PIGF: variants seen among roughly 807,000 people sequenced by gnomAD.
PIGF encodes the protein phosphatidylinositol glycan anchor biosynthesis class F.
PIGF carries 23 observed loss-of-function variants against 26.0 expected under a neutral mutation model. The observed-to-expected ratio is 0.88, with a 90% CI of 0.64 to 1.25. The LOEUF is 1.25. Among genes scored for constraint, PIGF ranks in the 50% most tolerant of loss-of-function variants. The probability of loss-of-function intolerance (pLI) is 0.00; values close to 1 mark genes in which losing one functional copy is unlikely to be tolerated. For synonymous variants in PIGF, 93 were observed against 92.6 expected (o/e 1.00, Z -0.03); for missense variants, 278 against 249.9 (o/e 1.11, Z -0.76).
At chr2:46,585,484 CTG>C (rs1443466718) in intron 5 of PIGF, among the ~76,000 whole-genome samples, 1 of 152,170 alleles carries the variant, frequency 6.6e-6, no homozygotes, top group African/African-American at 2.4e-5. Context: ...ATTTTAACAT[CTG>C]AGCCTCAGTT....
intron 4 of PIGF, among the ~76,000 whole-genome samples, chr2:46,597,687 T>C (rs1422793300): frequency 6.6e-6 from 1 of 152,126 alleles, no homozygotes; most frequent in African/African-American, 2.4e-5. Context: ...GCTGGGATTA[T>C]AGGCGTGAGC....
intron 4 of PIGF, among the ~76,000 whole-genome samples, chr2:46,593,577 G>C (rs1462718545): frequency 1.3e-5 from 2 of 152,206 alleles, no homozygotes; most frequent in African/African-American, 4.8e-5. Flanking sequence ...ACATCTGAGA[G>C]TGTAAAGGTG....
intron 4 of PIGF, among the ~76,000 whole-genome samples, chr2:46,601,805 A>G (rs1047266297): frequency 1.3e-5 from 2 of 152,132 alleles, no homozygotes; most frequent in African/African-American, 2.4e-5. Context: ...CTTTGTCTAC[A>G]CAAATAGGTC....
chr2:46,609,558 C>T (rs1248527537), intron 4 of PIGF, among the ~76,000 whole-genome samples: 1 of 152,188 alleles, frequency 6.6e-6, no homozygotes, highest in Non-Finnish European at 1.5e-5. Context: ...TTTCATTAAG[C>T]TTAATCACTT....
intron 4 of PIGF, among the ~76,000 whole-genome samples, chr2:46,604,013 A>G (rs1221762867): frequency 6.6e-6 from 1 of 151,878 alleles, no homozygotes; most frequent in South Asian, 2.1e-4. Context: ...CTCTACAGGG[A>G]AAAAAAACCC....
At chr2:46,610,870 T>C (rs1340655913) in intron 4 of PIGF, among the ~76,000 whole-genome samples, 3 of 152,206 alleles carry the variant, frequency 2.0e-5, no homozygotes, top group South Asian at 4.1e-4. Context: ...CGGTAATTTA[T>C]GAAGCCAAGC....
At position 46,580,989 on chromosome 2, in the gene PIGF, T is replaced by C; in HGVS notation, c.*489A>G. ...ACCCAGAAGGGATTGAAGACTGTTT[T>C]TGATGAGGCTATCATAGCCATTTTA... On this transcript the variant is annotated 3_prime_UTR_variant, in exon 6 of 6. Transcript: ENST00000281382. 1 of 1,586,422 alleles carries C rather than the reference T, an allele frequency of 6.3e-7. No homozygotes were observed. Among genetic ancestry groups the C allele is most frequent in the Non-Finnish European group, 8.6e-7 (1 of 1,169,282 alleles).
intron 4 of PIGF, among the ~76,000 whole-genome samples, chr2:46,611,564 A>G (rs1048957587): frequency 1.2e-4 from 18 of 152,180 alleles, no homozygotes; most frequent in African/African-American, 4.1e-4. Context: ...AGCACAGACT[A>G]AGTGCTCAAG....
At chr2:46,614,408 A>T (rs1670540428) in intron 2 of PIGF, 1 of 153,934 alleles carries the variant, frequency 6.5e-6, no homozygotes, top group South Asian at 2.0e-4. Context: ...CATGGTAGAA[A>T]ATAATGTTAA....
intron 4 of PIGF, among the ~76,000 whole-genome samples, chr2:46,607,826 C>T (rs78324474): frequency 6.6e-6 from 1 of 152,166 alleles, no homozygotes; most frequent in African/African-American, 2.4e-5. Context: ...TCCCAAGTAG[C>T]TGGGATTACA....
chr2:46,604,072 CA>C (rs1670143170), intron 4 of PIGF, among the ~76,000 whole-genome samples: 1 of 151,854 alleles, frequency 6.6e-6, no homozygotes, highest in Admixed American at 6.6e-5. Flanking sequence ...AGACATTTCT[CA>C]AAAAAAGACA....
chr2:46,582,900 G>A (rs1395126208), intron 5 of PIGF: 1 of 152,308 alleles, frequency 6.6e-6, no homozygotes, highest in Non-Finnish European at 1.5e-5. Flanking sequence ...TCGGACATTT[G>A]GATGTCTTCT....
chr2:46,603,897 A>C (rs1572779725), intron 4 of PIGF, among the ~76,000 whole-genome samples: 3 of 152,272 alleles, frequency 2.0e-5, no homozygotes, highest in Admixed American at 2.0e-4. Flanking sequence ...CAGCAAAAGA[A>C]ACAATCAAGA....
intron 5 of PIGF, chr2:46,581,830 G>C (rs565728328): frequency 8.1e-5 from 32 of 396,866 alleles, no homozygotes; most frequent in Non-Finnish European, 8.1e-5. Context: ...GCTCCCCAAA[G>C]TGCATGAGAC....
intron 5 of PIGF, chr2:46,591,351 G>A (rs947538918): frequency 1.2e-5 from 2 of 172,698 alleles, no homozygotes; most frequent in African/African-American, 4.8e-5. Flanking sequence ...GCAAATGGAG[G>A]TTTCCTCTGG....
chr2:46,592,180 T>C (rs1017109454), intron 5 of PIGF, among the ~76,000 whole-genome samples: 38 of 152,174 alleles, frequency 2.5e-4, no homozygotes, highest in African/African-American at 8.7e-4. Context: ...AGTGAGAACC[T>C]GTCTTTTTTA....
chr2:46,590,921 G>C (rs145901932), intron 5 of PIGF, among the ~76,000 whole-genome samples: 1 of 152,124 alleles, frequency 6.6e-6, no homozygotes, highest in South Asian at 2.1e-4. Flanking sequence ...GGGGAGACAC[G>C]ACATCTAACT....
chr2:46,596,798 C>A (rs989343976), intron 4 of PIGF, among the ~76,000 whole-genome samples: 5 of 152,150 alleles, frequency 3.3e-5, no homozygotes, highest in Non-Finnish European at 5.9e-5. Flanking sequence ...TGACTCACGC[C>A]CCTTCTACAA....
chr2:46,581,410 T>C lies in PIGF; in HGVS notation c.*68A>G. On this transcript the variant is annotated 3_prime_UTR_variant, in exon 6 of 6. Coordinates refer to ENST00000281382, the MANE Select transcript of PIGF (RefSeq NM_002643.4). Reference sequence around the variant, plus strand: ...AGAGCTGTAAATGGAACTGCTTGGCTTTGACCATACACATTTCTGCCCAGC... The same window carrying C: ...AGAGCTGTAAATGGAACTGCTTGGCCTTGACCATACACATTTCTGCCCAGC... The C allele has an allele frequency of 6.4e-7, 1 of 1,564,820 alleles. No individual in the cohort carries two copies. The highest frequency in any genetic ancestry group is 8.7e-7 in the Non-Finnish European group (1 of 1,154,106).
Sources: gnomAD v4.1 joint callset for allele counts (sites outside exome capture counted in the v4.1 genomes callset) on GRCh38, gnomAD v4.1.1 for gene constraint, MANE v1.5 for transcripts, NCBI Gene and HGNC (gene_info 2026-07-23, HGNC 2026-07-21) for gene names.